CDK14: variants seen among roughly 807,000 people sequenced by gnomAD.
CDK14 encodes the protein cyclin dependent kinase 14.
A neutral mutation model predicts 60.7 loss-of-function variants in CDK14; 34 were observed. The ratio of observed to expected loss-of-function variants is 0.56; its 90% CI spans 0.43 to 0.75. The LOEUF (loss-of-function observed/expected upper bound fraction) is 0.75. Ranked by LOEUF, CDK14 falls within the 30% of genes least tolerant of loss-of-function variation. CDK14 has a pLI of 0.00. For synonymous variants in CDK14, 197 were observed against 203.7 expected, an observed-to-expected ratio of 0.97 and a Z score of 0.28; for missense variants, 482 against 564.1, an observed-to-expected ratio of 0.85 and a Z score of 1.47.
intron 4 of CDK14, among the ~76,000 whole-genome samples, chr7:90,761,865 T>C (rs989311560): frequency 6.6e-6 from 1 of 152,222 alleles, no homozygotes; most frequent in East Asian, 1.9e-4. Flanking sequence ...TACTGTGTTC[T>C]GTGGGCTGAG....
chr7:90,972,502 A>G (rs972673461), intron 9 of CDK14, among the ~76,000 whole-genome samples: 1 of 152,218 alleles, frequency 6.6e-6, no homozygotes, highest in Admixed American at 6.5e-5. Flanking sequence ...TCTATTTTAC[A>G]TATATATACA....
chr7:90,948,805 A>G (rs1247264958), intron 8 of CDK14, among the ~76,000 whole-genome samples: 1 of 152,274 alleles, frequency 6.6e-6, no homozygotes, highest in African/African-American at 2.4e-5. Context: ...AAGTCACTTA[A>G]TCAAGGAGAA....
intron 5 of CDK14, among the ~76,000 whole-genome samples, chr7:90,842,391 G>A (rs1373450019): frequency 6.6e-6 from 1 of 152,132 alleles, no homozygotes; most frequent in African/African-American, 2.4e-5. Flanking sequence ...TCTCTTATTA[G>A]TGATTGGTGT....
At chr7:90,811,112 A>G (rs1156804448) in intron 5 of CDK14, among the ~76,000 whole-genome samples, 1 of 152,206 alleles carries the variant, frequency 6.6e-6, no homozygotes, top group Non-Finnish European at 1.5e-5. Flanking sequence ...ACTGGAAAAA[A>G]CTACTTTAAA....
chr7:90,723,926 T>C (rs772185243), intron 2 of CDK14, among the ~76,000 whole-genome samples: 3 of 152,216 alleles, frequency 2.0e-5, no homozygotes, highest in Non-Finnish European at 2.9e-5. Context: ...GGCTTTGGTA[T>C]TGGAATGACA....
At chr7:91,005,124 G>A (rs1795944197) in intron 10 of CDK14, among the ~76,000 whole-genome samples, 1 of 152,196 alleles carries the variant, frequency 6.6e-6, no homozygotes, top group East Asian at 1.9e-4. Flanking sequence ...GTCAGCATTA[G>A]CTCACTGGTG....
intron 14 of CDK14, among the ~76,000 whole-genome samples, chr7:91,187,993 G>A (rs528978242): frequency 2.6e-5 from 4 of 152,266 alleles, no homozygotes; most frequent in East Asian, 3.9e-4. Context: ...CACAACTGCC[G>A]GCATTCATCC....
intron 14 of CDK14, among the ~76,000 whole-genome samples, chr7:91,158,057 A>G (rs895970923): frequency 6.8e-6 from 1 of 147,650 alleles, no homozygotes; most frequent in African/African-American, 2.5e-5. Context: ...TTTTTATATA[A>G]TATATTATAT....
chr7:90,953,463 A>G (rs766108207), intron 8 of CDK14, among the ~76,000 whole-genome samples: 1 of 152,150 alleles, frequency 6.6e-6, no homozygotes. Flanking sequence ...ACTTTTTTCT[A>G]TTTGTAGTTT....
intron 12 of CDK14, chr7:91,107,908 G>A (rs1799352030): frequency 6.6e-6 from 1 of 152,192 alleles, no homozygotes. Context: ...GTCTAATGAA[G>A]CTTCTGCAGG....
chr7:91,134,587 A>T (rs1213307160), intron 14 of CDK14, among the ~76,000 whole-genome samples: 1 of 152,164 alleles, frequency 6.6e-6, no homozygotes, highest in African/African-American at 2.4e-5. Flanking sequence ...AAGAAAATGA[A>T]TTTAGGCCGG....
At chr7:90,983,092 C>A in intron 9 of CDK14, among the ~76,000 whole-genome samples, 1 of 152,156 alleles carries the variant, frequency 6.6e-6, no homozygotes, top group East Asian at 1.9e-4. Flanking sequence ...TGCTCATACA[C>A]TGTTCATGAG....
intron 6 of CDK14, among the ~76,000 whole-genome samples, chr7:90,864,173 A>T (rs1345692027): frequency 6.6e-6 from 1 of 151,716 alleles, no homozygotes; most frequent in Non-Finnish European, 1.5e-5. Context: ...TATTTTGCTT[A>T]TGTCTGCCTG....
At chr7:90,602,220 C>T (rs894070058) in intron 1 of CDK14, among the ~76,000 whole-genome samples, 2 of 152,096 alleles carry the variant, frequency 1.3e-5, no homozygotes, top group African/African-American at 2.4e-5. Flanking sequence ...AAGTTTGTGC[C>T]GTGAATTGTA....
At chr7:90,889,321 A>T (rs1792043579) in intron 6 of CDK14, among the ~76,000 whole-genome samples, 1 of 152,176 alleles carries the variant, frequency 6.6e-6, no homozygotes, top group South Asian at 2.1e-4. Flanking sequence ...TCTATCCATG[A>T]TGTCATTGCC....
At chr7:91,011,243 G>A (rs1193661052) in intron 10 of CDK14, among the ~76,000 whole-genome samples, 2 of 152,046 alleles carry the variant, frequency 1.3e-5, no homozygotes, top group African/African-American at 4.8e-5. Context: ...CCTACCTGAG[G>A]CATGATACTA....
intron 8 of CDK14, among the ~76,000 whole-genome samples, chr7:90,935,710 T>C (rs569595425): frequency 1.3e-5 from 2 of 152,298 alleles, no homozygotes; most frequent in African/African-American, 4.8e-5. Flanking sequence ...CAATTATAAG[T>C]AATATATGTG....
At chr7:90,807,073 C>T (rs1390468013) in intron 5 of CDK14, among the ~76,000 whole-genome samples, 6 of 152,194 alleles carry the variant, frequency 3.9e-5, no homozygotes, top group Admixed American at 3.9e-4. Context: ...GCAGCAGAAA[C>T]CTCTGCAGAC....
At chr7:90,710,089 C>A in intron 2 of CDK14, 1 of 947,738 alleles carries the variant, frequency 1.1e-6, no homozygotes, top group Non-Finnish European at 1.3e-6. Context: ...TCACTTCCTT[C>A]TATTTAACTG....
Sources: gnomAD v4.1 joint callset for allele counts (sites outside exome capture counted in the v4.1 genomes callset) on GRCh38, gnomAD v4.1.1 for gene constraint, MANE v1.5 for transcripts, NCBI Gene and HGNC (gene_info 2026-07-23, HGNC 2026-07-21) for gene names.